The following SPG7 variants were observed in gnomAD, a reference collection of about 807,000 sequenced individuals.
SPG7 encodes the protein SPG7 matrix AAA peptidase subunit, paraplegin, also known as mitochondrial inner membrane m-AAA protease component paraplegin.
In SPG7, 103 loss-of-function variants were observed where a neutral mutation model predicts 81.9. The ratio of observed to expected loss-of-function variants is 1.26; its 90% CI spans 1.07 to 1.48. SPG7 has a LOEUF of 1.48. Ranked by LOEUF, SPG7 falls within the 40% of genes most tolerant of loss-of-function variation. SPG7 has a pLI of 0.00. For synonymous variants in SPG7, 534 were observed against 444.2 expected, an observed-to-expected ratio of 1.20 and a Z score of -2.54; for missense variants, 1,241 against 1,087.3, an observed-to-expected ratio of 1.14 and a Z score of -1.99.
chr16:89,529,358 A>G lies in SPG7; in HGVS notation c.759-119A>G. 5 of 728,946 alleles carry G rather than the reference A, an allele frequency of 6.9e-6. No homozygotes were observed. The South Asian group carries it at 7.4e-5, about 11-fold the overall frequency. 45.2% of individuals were successfully genotyped at this position (728,946 alleles called of 1,614,324 possible). ...CCATTTTAATCTGCGCATCGGTCCC[A>G]GACGTAGGGATTCCTCGTCTCATCT... On this transcript the variant is annotated intron_variant, in intron 5 of 16. Coordinates refer to ENST00000645818, the MANE Select transcript of SPG7 (RefSeq NM_003119.4).
intron 1 of SPG7, chr16:89,508,926 A>T: frequency 1.8e-6 from 1 of 545,238 alleles, no homozygotes; most frequent in South Asian, 1.5e-5. Context: ...CCGGCGTAGC[A>T]CTAATTTACA....
chr16:89,537,544 TC>T, intron 9 of SPG7: 1 of 987,734 alleles, frequency 1.0e-6, no homozygotes, highest in Non-Finnish European at 1.2e-6. Context: ...ACTTTTTTTT[TC>T]TTCAGAGACA....
At chr16:89,554,298 G>A (rs1227165434) in intron 15 of SPG7, among the ~76,000 whole-genome samples, 188 bp from the exon 16 acceptor site, 1 of 152,168 alleles carries the variant, frequency 6.6e-6, no homozygotes, top group African/African-American at 2.4e-5. Flanking sequence ...GTGGGTGGGT[G>A]GGCTGGCATG....
chr16:89,545,583 C>T (rs2058553255), intron 10 of SPG7: 1 of 218,976 alleles, frequency 4.6e-6, no homozygotes, highest in South Asian at 5.2e-5. Context: ...CTCCAGGGGA[C>T]ATGGCTTCTC....
chr16:89,531,367 T>C (rs1183792152), intron 7 of SPG7: 1 of 185,690 alleles, frequency 5.4e-6, no homozygotes, highest in East Asian at 1.4e-4. Context: ...CAAAACATTT[T>C]TTTATTTAAT....
chr16:89,554,093 T>C, intron 15 of SPG7, 133 bp downstream of exon 15: 1 of 839,898 alleles, frequency 1.2e-6, no homozygotes. Context: ...TTCTTCCTTC[T>C]GGGCTCTGCT....
Position 89,536,596 on chromosome 16 carries a change from A to C in SPG7, c.1324+3960A>C, listed in dbSNP as rs149585444. On this transcript the variant is annotated intron_variant, in intron 9 of 16. Transcript: ENST00000645818. ...TCAGGTGAGGCGGGTGAGGTGAGGC[A>C]GGTGAGGTGAGGTGGGTGAGGCGGG... Among the ~76,000 whole-genome samples, 2 of 37,490 alleles carry C rather than the reference A, an allele frequency of 5.3e-5. 1 individual carries two copies. The highest frequency in any genetic ancestry group is 2.3e-3 in the South Asian group (2 of 870). The allele number at this position is 37,490 out of a possible 152,430, so 24.6% of individuals were successfully genotyped here. A position where few individuals can be genotyped will look rare whatever the true frequency, so the allele number is the denominator to read the frequency against.
intron 6 of SPG7, 82 bp from the exon 7 acceptor site, chr16:89,530,601 A>T: frequency 6.4e-7 from 1 of 1,562,772 alleles, no homozygotes; most frequent in Admixed American, 1.7e-5. Context: ...GGGGCGGCTC[A>T]GGTGCGTGGG....
At chr16:89,511,074 G>A (rs1394129777) in intron 2 of SPG7, among the ~76,000 whole-genome samples, 1 of 152,198 alleles carries the variant, frequency 6.6e-6, no homozygotes, top group Non-Finnish European at 1.5e-5. Flanking sequence ...CTGGACTCAA[G>A]CGATCAGCCT....
At chr16:89,514,245 C>A (rs2058061104) in intron 3 of SPG7, 1 of 140,658 alleles carries the variant, frequency 7.1e-6, no homozygotes, top group Non-Finnish European at 1.5e-5. Flanking sequence ...CAAAATTGTT[C>A]TGAATTGATT....
At chr16:89,537,514 T>C in intron 9 of SPG7, 1 of 992,272 alleles carries the variant, frequency 1.0e-6, no homozygotes, top group African/African-American at 1.7e-5. Flanking sequence ...AAAAGGCTGC[T>C]GTGAACATTT....
chr16:89,541,823 G>C (rs1479932465), intron 9 of SPG7: 1 of 152,206 alleles, frequency 6.6e-6, no homozygotes, highest in East Asian at 1.9e-4. Context: ...ACACATAGCT[G>C]CCCAGGGGGA....
intron 9 of SPG7, among the ~76,000 whole-genome samples, chr16:89,534,814 G>A (rs2058390735): frequency 6.6e-6 from 1 of 152,222 alleles, no homozygotes; most frequent in Non-Finnish European, 1.5e-5. Context: ...CACGCTGTCC[G>A]TGACTGCCCC....
intron 1 of SPG7, among the ~76,000 whole-genome samples, 154 bp from the exon 2 acceptor site, chr16:89,510,335 AC>A (rs1479425209): frequency 6.6e-6 from 1 of 152,170 alleles, no homozygotes; most frequent in Non-Finnish European, 1.5e-5. Flanking sequence ...TAAAGCTTTG[AC>A]CTATTGCTCA....
At position 89,545,588 on chromosome 16, in the gene SPG7, CTTCTCCAGGGGACACTGT is replaced by C. The variant is rs1189956029; in HGVS notation, c.1449+847_1449+864del. On this transcript the variant is annotated intron_variant, in intron 10 of 16. Transcript: ENST00000645818. ...GACACGGCTTCTCCAGGGGACATGG[CTTCTCCAGGGGACACTGT>C]TTCTCCAGGGGACACTGTTTCTCCA... 257 of 217,854 alleles carry C rather than the reference CTTCTCCAGGGGACACTGT, an allele frequency of 1.2e-3. 1 individual carries two copies. Among genetic ancestry groups the C allele is most frequent in the South Asian group, 2.5e-3 (48 of 18,924 alleles). 13.5% of individuals were successfully genotyped at this position (217,854 alleles called of 1,614,324 possible).
At chr16:89,512,773 T>C (rs1341366076) in intron 2 of SPG7, among the ~76,000 whole-genome samples, 175 bp from the exon 3 acceptor site, 1 of 152,256 alleles carries the variant, frequency 6.6e-6, no homozygotes, top group Non-Finnish European at 1.5e-5. Context: ...TAGGAAATAC[T>C]GGACTAAGTG....
intron 9 of SPG7, chr16:89,543,444 C>G (rs926499570): frequency 6.7e-6 from 1 of 149,242 alleles, no homozygotes; most frequent in Non-Finnish European, 1.5e-5. Context: ...CTGGTTCAAG[C>G]GATTCTCCTG....
chr16:89,554,557 G>A lies in SPG7; in HGVS notation c.2175G>A (p.Leu725=). The A allele has an allele frequency of 5.0e-6, 8 of 1,608,420 alleles. No individual in the cohort carries two copies. Among genetic ancestry groups the A allele is most frequent in the Non-Finnish European group, 6.8e-6 (8 of 1,179,410 alleles). Residue 725 remains leucine (L), a synonymous_variant, in exon 16 of 17, where the codon TTG becomes TTA. Transcript: ENST00000645818. Reference sequence around the variant, plus strand: ...TGCTGCAGGACAACCTGGACAAGTTGCAGGCGGTGAGGCCCTGGCCAGGCG... The same window carrying A: ...TGCTGCAGGACAACCTGGACAAGTTACAGGCGGTGAGGCCCTGGCCAGGCG... ...EKVLQDNLDK[L]QALANALLEK... is the part of the protein sequence containing the mutation.
Position 89,531,949 on chromosome 16 carries a change from G to A in SPG7, c.1033G>A (p.Ala345Thr), listed in dbSNP as rs368373840. The change falls in exon 8 of 17, where the codon GCA (alanine) becomes ACA (threonine). Residue 345 changes from alanine (A) to threonine (T), a missense_variant. Ala to Thr is a moderately conservative substitution (Grantham distance 58). Coordinates refer to ENST00000645818, the MANE Select transcript of SPG7 (RefSeq NM_003119.4). ...LQLGAKVPKG[A>T]LLLGPPGCGK... The stretch of plus-strand genomic sequence containing the variant: ...GCTTGGCGCCAAGGTCCCAAAGGGC[G>A]CACTGCTGCTCGGCCCCCCCGGCTG... The A allele has an allele frequency of 1.9e-5, 31 of 1,614,102 alleles. No individual in the cohort carries two copies. Among genetic ancestry groups the A allele is most frequent in the East Asian group, 1.3e-4 (6 of 44,878 alleles).
Sources: allele counts gnomAD v4.1 joint callset (sites outside exome capture counted in the v4.1 genomes callset), GRCh38; gene constraint gnomAD v4.1.1; transcripts MANE v1.5; gene names NCBI Gene and HGNC (gene_info 2026-07-23, HGNC 2026-07-21).